The following GPC5 variants were observed in gnomAD, a reference collection of about 807,000 sequenced individuals.
The protein encoded by GPC5 is glypican-5.
Under a neutral mutation model 53.9 loss-of-function variants are expected in GPC5, and 47 were observed. The ratio of observed to expected loss-of-function variants is 0.87; its 90% CI spans 0.69 to 1.11. GPC5 has a LOEUF of 1.11. GPC5 is among the 50% of genes most tolerant of loss of function. The pLI, the probability that GPC5 is intolerant of heterozygous loss-of-function variation, is 0.00. For synonymous variants in GPC5, 286 were observed against 263.3 expected, an observed-to-expected ratio of 1.09 and a Z score of -0.84; for missense variants, 748 against 713.1, an observed-to-expected ratio of 1.05 and a Z score of -0.56.
intron 6 of GPC5, among the ~76,000 whole-genome samples, chr13:92,043,667 G>A (rs572370252): frequency 1.5e-3 from 225 of 152,306 alleles, no homozygotes; most frequent in Non-Finnish European, 1.2e-3. Flanking sequence ...AAGATCTGGG[G>A]TTTGCTCTTG....
At chr13:92,838,374 C>T (rs946270037) in intron 7 of GPC5, among the ~76,000 whole-genome samples, 1 of 151,738 alleles carries the variant, frequency 6.6e-6, no homozygotes, top group Non-Finnish European at 1.5e-5. Flanking sequence ...GTCCCAGCTA[C>T]TCAGGAGGCT....
intron 6 of GPC5, among the ~76,000 whole-genome samples, chr13:92,112,189 G>C (rs1381158813): frequency 6.6e-6 from 1 of 152,106 alleles, no homozygotes; most frequent in African/African-American, 2.4e-5. Context: ...CAAAGAGTTA[G>C]AGAATTTAGA....
At chr13:92,647,897 T>C (rs908837563) in intron 7 of GPC5, among the ~76,000 whole-genome samples, 9 of 152,088 alleles carry the variant, frequency 5.9e-5, no homozygotes, top group African/African-American at 1.9e-4. Context: ...CAGACTCTAA[T>C]ATGATGAAAG....
At chr13:92,461,566 A>T (rs1878480524) in intron 7 of GPC5, among the ~76,000 whole-genome samples, 1 of 152,192 alleles carries the variant, frequency 6.6e-6, no homozygotes, top group African/African-American at 2.4e-5. Context: ...AAATTCATAC[A>T]TTGACCCAGA....
intron 7 of GPC5, among the ~76,000 whole-genome samples, chr13:92,776,637 A>T: frequency 6.6e-6 from 1 of 152,170 alleles, no homozygotes; most frequent in Admixed American, 6.5e-5. Flanking sequence ...TATATTTTCC[A>T]AATTTTATTT....
At chr13:92,577,397 T>A (rs1193262531) in intron 7 of GPC5, among the ~76,000 whole-genome samples, 3 of 150,204 alleles carry the variant, frequency 2.0e-5, no homozygotes, top group African/African-American at 7.5e-5. Flanking sequence ...TCGACATGAA[T>A]GAATGTAAGT....
At chr13:92,031,096 T>C (rs2040837658) in intron 6 of GPC5, among the ~76,000 whole-genome samples, 1 of 152,142 alleles carries the variant, frequency 6.6e-6, no homozygotes. Context: ...TATAACACCA[T>C]GGCCTACTGG....
At chr13:92,355,202 T>G (rs1036420146) in intron 7 of GPC5, among the ~76,000 whole-genome samples, 6 of 151,832 alleles carry the variant, frequency 4.0e-5, no homozygotes, top group African/African-American at 1.5e-4. Context: ...TCTTGGAGGT[T>G]TTGTGGTTTG....
chr13:91,603,991 G>T (rs2033269162), intron 2 of GPC5, among the ~76,000 whole-genome samples: 1 of 144,166 alleles, frequency 6.9e-6, no homozygotes, highest in South Asian at 2.2e-4. Flanking sequence ...TAGGGTACAT[G>T]TGCACATTGT....
chr13:91,607,512 C>T (rs550905465), intron 2 of GPC5, among the ~76,000 whole-genome samples: 10 of 152,032 alleles, frequency 6.6e-5, no homozygotes, highest in South Asian at 2.1e-4. Flanking sequence ...ATGCCCTGTA[C>T]GTAGATGATA....
intron 7 of GPC5, among the ~76,000 whole-genome samples, chr13:92,638,184 T>C (rs1375221977): frequency 6.6e-6 from 1 of 152,146 alleles, no homozygotes; most frequent in Admixed American, 6.5e-5. Flanking sequence ...GAATAATTAC[T>C]GAAAAAAATA....
chr13:91,644,841 A>G lies in GPC5; in HGVS notation c.326-48346A>G, dbSNP rs145856483. 5.3e-3 allele frequency among the ~76,000 whole-genome samples: 810 copies of G among 152,342 alleles called. 5 individuals are homozygous for G. Among genetic ancestry groups the G allele is most frequent in the African/African-American group, 0.017 (713 of 41,574 alleles). On this transcript the variant is annotated intron_variant, in intron 2 of 7. Coordinates refer to ENST00000377067, the MANE Select transcript of GPC5 (RefSeq NM_004466.6). ...GATACTCTGAAAAAGTCATGGCAAAAAGCACTGGAATGAGTTTTGGCAAAA... is the reference window on the plus strand; with the variant it reads ...GATACTCTGAAAAAGTCATGGCAAAGAGCACTGGAATGAGTTTTGGCAAAA...
chr13:91,573,834 T>C (rs1269071088), intron 2 of GPC5, among the ~76,000 whole-genome samples: 1 of 152,144 alleles, frequency 6.6e-6, no homozygotes, highest in African/African-American at 2.4e-5. Flanking sequence ...AGTAAGTGCT[T>C]CAACAAAAAT....
chr13:91,535,239 G>T (rs2184728), intron 2 of GPC5, among the ~76,000 whole-genome samples: 1 of 151,972 alleles, frequency 6.6e-6, no homozygotes, highest in Non-Finnish European at 1.5e-5. Flanking sequence ...CCTTTCATTA[G>T]AGTGGCCATT....
intron 7 of GPC5, among the ~76,000 whole-genome samples, chr13:92,723,860 C>G (rs960337305): frequency 2.0e-5 from 3 of 151,520 alleles, no homozygotes; most frequent in Non-Finnish European, 3.0e-5. Context: ...TGCTGAAAAT[C>G]TATTATAGTA....
intron 7 of GPC5, among the ~76,000 whole-genome samples, chr13:92,382,535 A>T (rs1009051683): frequency 7.2e-5 from 10 of 138,926 alleles, no homozygotes; most frequent in Admixed American, 1.5e-4. Context: ...GGGTAAATTT[A>T]AATAAATTTA....
At chr13:91,723,142 A>G (rs544269626) in intron 3 of GPC5, among the ~76,000 whole-genome samples, 1 of 152,124 alleles carries the variant, frequency 6.6e-6, no homozygotes, top group East Asian at 1.9e-4. Context: ...TTAGGGCATA[A>G]TATTTTGTAA....
chr13:92,189,681 C>T (rs1397609807), intron 7 of GPC5, among the ~76,000 whole-genome samples: 1 of 150,996 alleles, frequency 6.6e-6, no homozygotes. Flanking sequence ...TTGGGCCAGG[C>T]ATTTTTTTTT....
chr13:91,495,046 A>G (rs747688815), intron 2 of GPC5, among the ~76,000 whole-genome samples: 1 of 152,240 alleles, frequency 6.6e-6, no homozygotes, highest in Non-Finnish European at 1.5e-5. Context: ...TCAAGCACTA[A>G]ACTGAGCTCC....
Sources: allele counts gnomAD v4.1 joint callset (sites outside exome capture counted in the v4.1 genomes callset), GRCh38; gene constraint gnomAD v4.1.1; transcripts MANE v1.5; gene names NCBI Gene and HGNC (gene_info 2026-07-23, HGNC 2026-07-21).